Variants in ZNF883 observed in about 807,000 individuals in gnomAD.
ZNF883 encodes zinc finger protein 883.
upstream of ZNF883, among the ~76,000 whole-genome samples, chr9:113,000,621 A>C (rs1828413309): frequency 6.6e-6 from 1 of 152,180 alleles, no homozygotes; most frequent in South Asian, 2.1e-4. Flanking sequence ...TTTTTACAAA[A>C]CAAGATTCAT....
chr9:113,009,380 G>T (rs777750268), intron 2 of ZNF883, among the ~76,000 whole-genome samples: 2 of 152,110 alleles, frequency 1.3e-5, no homozygotes, highest in Non-Finnish European at 2.9e-5. Flanking sequence ...CTCTGGCCAC[G>T]TGGCCTTCCT....
At chr9:112,994,737 T>C (rs1828332987), downstream of ZNF883, among the ~76,000 whole-genome samples, 1 of 152,164 alleles carries the variant, frequency 6.6e-6, no homozygotes, top group African/African-American at 2.4e-5. Flanking sequence ...TCTTTTCTAT[T>C]TCTCCTACTT....
intron 2 of ZNF883, among the ~76,000 whole-genome samples, chr9:113,007,224 G>A (rs1206238778): frequency 1.3e-5 from 2 of 152,202 alleles, no homozygotes; most frequent in African/African-American, 4.8e-5. Context: ...TACTTAGTAG[G>A]GTACCCCTGA....
downstream of ZNF883, among the ~76,000 whole-genome samples, chr9:112,996,778 G>A (rs556607374): frequency 0.014 from 1,459 of 103,664 alleles, 24 homozygotes; most frequent in African/African-American, 0.035. Context: ...GCGACAGAGC[G>A]AGACTCCGTC....
At chr9:112,990,671 T>C (rs1460763654) in intron 1 of ZNF883, among the ~76,000 whole-genome samples, 8 of 152,240 alleles carry the variant, frequency 5.3e-5, no homozygotes, top group Admixed American at 1.3e-4. Context: ...TTGTTTGGAA[T>C]AGATCCAGAA....
chr9:113,006,187 T>C (rs1828474242), intron 2 of ZNF883, among the ~76,000 whole-genome samples: 2 of 151,374 alleles, frequency 1.3e-5, no homozygotes, highest in South Asian at 2.1e-4. Flanking sequence ...AATTATAATA[T>C]ATTAGCATGC....
chr9:113,001,129 TAG>T (rs1244653311), upstream of ZNF883, among the ~76,000 whole-genome samples: 1 of 152,084 alleles, frequency 6.6e-6, no homozygotes, highest in Non-Finnish European at 1.5e-5. Flanking sequence ...AAAATAATTT[TAG>T]CAGAAGACAA....
chr9:112,988,669 T>C (rs1299277992), intron 1 of ZNF883, among the ~76,000 whole-genome samples: 4 of 152,206 alleles, frequency 2.6e-5, no homozygotes, highest in Non-Finnish European at 4.4e-5. Flanking sequence ...GGGTATATAC[T>C]CAGTAATGGG....
intron 2 of ZNF883, among the ~76,000 whole-genome samples, chr9:113,008,119 A>G (rs1193863345): frequency 6.6e-6 from 1 of 152,226 alleles, no homozygotes; most frequent in African/African-American, 2.4e-5. Flanking sequence ...ATAAGAATGT[A>G]TTAGTTTTTA....
chr9:113,009,746 G>A (rs1467970041), intron 2 of ZNF883, among the ~76,000 whole-genome samples: 2 of 152,132 alleles, frequency 1.3e-5, no homozygotes, highest in East Asian at 3.8e-4. Flanking sequence ...TTGACCTCGT[G>A]ATCTGCCTGC....
chr9:112,999,040 TGAC>T (rs1443462128), upstream of ZNF883: 3 of 152,246 alleles, frequency 2.0e-5, no homozygotes, highest in Non-Finnish European at 2.9e-5. Context: ...CATCATATGA[TGAC>T]ATTATTTTGT....
chr9:112,997,970 T>C (rs1433703640), exon 1 of ZNF883: 2 of 1,613,784 alleles, frequency 1.2e-6, no homozygotes, highest in Non-Finnish European at 1.7e-6. Flanking sequence ...ATTACACTCA[T>C]AAGGTTTCTC....
At chr9:113,003,260 C>T (rs1828443423) in intron 2 of ZNF883, among the ~76,000 whole-genome samples, 1 of 152,220 alleles carries the variant, frequency 6.6e-6, no homozygotes, top group Non-Finnish European at 1.5e-5. Flanking sequence ...GTTCCTCTGC[C>T]TGCATAAGCT....
chr9:112,997,993 T>G, exon 1 of ZNF883: 1 of 1,613,886 alleles, frequency 6.2e-7, no homozygotes, highest in South Asian at 1.1e-5. Context: ...CAGTATGGAC[T>G]CTTTGATGCT....
downstream of ZNF883, chr9:112,996,989 C>CA: frequency 1.2e-6 from 1 of 824,292 alleles, no homozygotes; most frequent in Non-Finnish European, 1.8e-6. Context: ...CTTCTCAGTA[C>CA]AAATAGCATA....
downstream of ZNF883, among the ~76,000 whole-genome samples, chr9:112,994,052 A>C (rs992854857): frequency 6.6e-6 from 1 of 152,058 alleles, no homozygotes; most frequent in Non-Finnish European, 1.5e-5. Context: ...TCTCCAGCCT[A>C]GTGGCTGCTG....
intron 2 of ZNF883, among the ~76,000 whole-genome samples, chr9:113,003,572 T>A: frequency 7.4e-6 from 1 of 135,406 alleles, no homozygotes; most frequent in Non-Finnish European, 1.5e-5. Context: ...AACATATAAG[T>A]GGAGTCTCAA....
chr9:113,005,059 G>A (rs548608446), intron 2 of ZNF883, among the ~76,000 whole-genome samples: 16 of 151,992 alleles, frequency 1.1e-4, no homozygotes, highest in African/African-American at 3.4e-4. Flanking sequence ...AATTATAGGT[G>A]AATTAAAAAC....
At chr9:112,997,972 A>G in exon 1 of ZNF883, 1 of 1,613,582 alleles carries the variant, frequency 6.2e-7, no homozygotes, top group Non-Finnish European at 8.5e-7. Flanking sequence ...TACACTCATA[A>G]GGTTTCTCCC....
Sources: allele counts gnomAD v4.1 joint callset (sites outside exome capture counted in the v4.1 genomes callset), GRCh38; gene constraint gnomAD v4.1.1; transcripts MANE v1.5; gene names NCBI Gene and HGNC (gene_info 2026-07-23, HGNC 2026-07-21).